SLC14A2: variants seen among roughly 807,000 people sequenced by gnomAD.
SLC14A2 encodes the protein solute carrier family 14 member 2.
In SLC14A2, 91 loss-of-function variants were observed where a neutral mutation model predicts 104.6. The observed-to-expected ratio is 0.87, with a 90% confidence interval of 0.73 to 1.04. The LOEUF is 1.04. Ranked by LOEUF, SLC14A2 falls within the 50% of genes least tolerant of loss-of-function variation. The probability of loss-of-function intolerance (pLI) is 0.00; values close to 1 mark genes in which losing one functional copy is unlikely to be tolerated. For synonymous variants in SLC14A2, 476 were observed against 466.4 expected (o/e 1.02, Z -0.27); for missense variants, 1,189 against 1,156.0 (o/e 1.03, Z -0.41).
chr18:45,475,643 A>T (rs375925330), intron 1 of SLC14A2, among the ~76,000 whole-genome samples: 1 of 8,796 alleles, frequency 1.1e-4, no homozygotes, highest in Non-Finnish European at 2.1e-4. Context: ...TATATTTAGG[A>T]TATATATATA....
intron 13 of SLC14A2, 90 bp downstream of exon 13, chr18:45,667,184 T>C (rs1007818705): frequency 1.2e-5 from 12 of 1,002,878 alleles, no homozygotes; most frequent in Admixed American, 2.6e-5. Context: ...GGGTTCCCTA[T>C]AGACTAGACT....
intron 2 of SLC14A2, among the ~76,000 whole-genome samples, chr18:45,572,022 G>GT (rs1479845759): frequency 6.6e-6 from 1 of 152,048 alleles, no homozygotes; most frequent in African/African-American, 2.4e-5. Context: ...AAATCTCTGG[G>GT]GTAGAGTCCA....
intron 2 of SLC14A2, among the ~76,000 whole-genome samples, chr18:45,564,507 G>A (rs952505578): frequency 2.6e-5 from 4 of 152,136 alleles, no homozygotes; most frequent in Admixed American, 2.6e-4. Context: ...ACACAGAGAG[G>A]TGACTAAAAC....
intron 2 of SLC14A2, among the ~76,000 whole-genome samples, chr18:45,589,403 T>C (rs2044615903): frequency 6.6e-6 from 1 of 152,150 alleles, no homozygotes; most frequent in African/African-American, 2.4e-5. Context: ...GGGCCCTTTG[T>C]TTTCAACATG....
intron 2 of SLC14A2, among the ~76,000 whole-genome samples, chr18:45,545,996 A>G (rs2043963076): frequency 2.0e-5 from 3 of 152,234 alleles, no homozygotes; most frequent in East Asian, 1.9e-4. Context: ...TAGAAATGCT[A>G]TAAAACTATT....
At chr18:45,176,410 T>C in the SLC14A2 span, among the ~76,000 whole-genome samples, 1 of 152,128 alleles carries the variant, frequency 6.6e-6, no homozygotes, top group Non-Finnish European at 1.5e-5. Context: ...CTAGCCCCTT[T>C]CTCTGGTTGA....
chr18:45,551,059 A>T (rs532857640), intron 2 of SLC14A2, among the ~76,000 whole-genome samples: 1 of 152,190 alleles, frequency 6.6e-6, no homozygotes, highest in Non-Finnish European at 1.5e-5. Context: ...GAGTAAGGAA[A>T]AACATGGGCC....
intron 2 of SLC14A2, among the ~76,000 whole-genome samples, chr18:45,608,736 A>G (rs1345502722): frequency 1.3e-5 from 2 of 152,244 alleles, no homozygotes; most frequent in African/African-American, 2.4e-5. Context: ...CACTTCCAGC[A>G]TGCACACATC....
chr18:45,511,491 T>C (rs1379062018), intron 2 of SLC14A2, among the ~76,000 whole-genome samples: 1 of 152,152 alleles, frequency 6.6e-6, no homozygotes, highest in Non-Finnish European at 1.5e-5. Flanking sequence ...ATTATATCCC[T>C]TCCCTGGGCT....
At chr18:45,491,471 G>C (rs1011036055) in intron 2 of SLC14A2, among the ~76,000 whole-genome samples, 3 of 152,188 alleles carry the variant, frequency 2.0e-5, no homozygotes, top group African/African-American at 7.2e-5. Context: ...TTGGAAGAAG[G>C]AGTAGAATAG....
intron 1 of SLC14A2, among the ~76,000 whole-genome samples, chr18:45,322,261 A>C (rs1345620100): frequency 2.6e-5 from 4 of 152,220 alleles, no homozygotes; most frequent in African/African-American, 4.8e-5. Context: ...TATACTGGTT[A>C]GGTCAACATA....
intron 2 of SLC14A2, among the ~76,000 whole-genome samples, chr18:45,565,069 C>T (rs78229518): frequency 1.1e-4 from 16 of 151,922 alleles, no homozygotes; most frequent in Non-Finnish European, 2.1e-4. Context: ...TTCGTGCATG[C>T]GTTTATAGAC....
the SLC14A2 span, among the ~76,000 whole-genome samples, chr18:45,206,378 A>G: frequency 6.6e-6 from 1 of 152,110 alleles, no homozygotes; most frequent in East Asian, 1.9e-4. Context: ...AGAAGCCCTA[A>G]CAGTGACCCT....
At chr18:45,221,691 G>A (rs939274461) in intron 1 of SLC14A2, among the ~76,000 whole-genome samples, 12 of 152,120 alleles carry the variant, frequency 7.9e-5, no homozygotes, top group South Asian at 2.1e-4. Context: ...TCAGTGCAAC[G>A]TGAGAAGTAC....
At chr18:45,680,949 G>A (rs2046302464) in intron 19 of SLC14A2, among the ~76,000 whole-genome samples, 2 of 152,120 alleles carry the variant, frequency 1.3e-5, no homozygotes, top group South Asian at 4.1e-4. Flanking sequence ...AGCTCTGGTA[G>A]CAGGCTGTCT....
intron 2 of SLC14A2, among the ~76,000 whole-genome samples, chr18:45,570,574 T>C (rs2044330033): frequency 6.6e-6 from 1 of 152,216 alleles, no homozygotes. Context: ...CCTTTACAAT[T>C]TACATAGGAT....
At chr18:45,467,935 G>T (rs2087173905) in intron 1 of SLC14A2, among the ~76,000 whole-genome samples, 1 of 152,152 alleles carries the variant, frequency 6.6e-6, no homozygotes, top group African/African-American at 2.4e-5. Context: ...AGAACAAAAT[G>T]AGGTACAGGC....
At chr18:45,201,660 T>C in the SLC14A2 span, among the ~76,000 whole-genome samples, 1 of 152,072 alleles carries the variant, frequency 6.6e-6, no homozygotes. Flanking sequence ...GAATCAGCCA[T>C]TTCTCCAAGG....
chr18:45,324,481 C>T (rs1356615632), intron 1 of SLC14A2, among the ~76,000 whole-genome samples: 1 of 152,124 alleles, frequency 6.6e-6, no homozygotes, highest in Non-Finnish European at 1.5e-5. Flanking sequence ...TGAACTCCAT[C>T]CTGGCCTCAC....
Sources: gnomAD v4.1 joint callset for allele counts (sites outside exome capture counted in the v4.1 genomes callset) on GRCh38, gnomAD v4.1.1 for gene constraint, MANE v1.5 for transcripts, NCBI Gene and HGNC (gene_info 2026-07-23, HGNC 2026-07-21) for gene names.